The following LRRIQ3 variants were observed in gnomAD, a reference collection of about 807,000 sequenced individuals.
The protein encoded by LRRIQ3 is leucine rich repeats and IQ motif containing 3.
A neutral mutation model predicts 59.3 loss-of-function variants in LRRIQ3; 75 were observed. The ratio of observed to expected loss-of-function variants is 1.26; its 90% confidence interval spans 1.05 to 1.53. The LOEUF (loss-of-function observed/expected upper bound fraction) is 1.53. Ranked by LOEUF, LRRIQ3 falls within the 40% of genes most tolerant of loss-of-function variation. The pLI is 0.00. For missense variants in LRRIQ3, 831 were observed against 710.0 expected (o/e 1.17, Z -1.94); for synonymous variants, 250 against 231.3 (o/e 1.08, Z -0.73).
At chr1:74,171,239 TAA>T (rs771519400) in intron 3 of LRRIQ3, among the ~76,000 whole-genome samples, 1 of 152,164 alleles carries the variant, frequency 6.6e-6, no homozygotes, top group Non-Finnish European at 1.5e-5. Context: ...AAAAAAAACT[TAA>T]AAGTTTTTCA....
chr1:74,177,773 T>A (rs912972225), intron 3 of LRRIQ3, among the ~76,000 whole-genome samples: 16 of 152,032 alleles, frequency 1.1e-4, no homozygotes, highest in Admixed American at 3.3e-4. Context: ...TAATTACTAC[T>A]ATATAATGTC....
intron 4 of LRRIQ3, among the ~76,000 whole-genome samples, chr1:74,137,362 T>C (rs1472070291): frequency 6.6e-6 from 1 of 152,078 alleles, no homozygotes; most frequent in African/African-American, 2.4e-5. Flanking sequence ...TCACTGGTCA[T>C]TAGAGAAATG....
At chr1:74,126,345 T>C (rs1407736474) in intron 4 of LRRIQ3, among the ~76,000 whole-genome samples, 1 of 151,828 alleles carries the variant, frequency 6.6e-6, no homozygotes, top group Non-Finnish European at 1.5e-5. Flanking sequence ...CTCATTTCAA[T>C]TTCATTTATT....
Position 74,026,393 on chromosome 1 carries a change from G to C in LRRIQ3, c.*420C>G, listed in dbSNP as rs1438158279. 1 of 152,212 alleles carries C rather than the reference G, an allele frequency of 6.6e-6. No homozygotes were observed. The highest frequency in any genetic ancestry group is 1.5e-5 in the Non-Finnish European group (1 of 68,134). The allele number at this position is 152,212 out of a possible 1,614,324, so 9.4% of individuals were successfully genotyped here. ...AATAAGCAGGAAATATATAAAAGCA[G>C]GTAATAAAAGTCATCAACGTACACA... On this transcript the variant is annotated 3_prime_UTR_variant, in exon 8 of 8. Coordinates refer to ENST00000354431, the MANE Select transcript of LRRIQ3 (RefSeq NM_001105659.2).
intron 7 of LRRIQ3, among the ~76,000 whole-genome samples, chr1:74,030,176 T>C (rs959762228): frequency 1.3e-5 from 2 of 151,998 alleles, no homozygotes; most frequent in African/African-American, 4.8e-5. Flanking sequence ...ATCAATATCA[T>C]GAAAATGGTC....
At chr1:74,037,945 C>T (rs1322069493) in intron 7 of LRRIQ3, among the ~76,000 whole-genome samples, 1 of 152,216 alleles carries the variant, frequency 6.6e-6, no homozygotes, top group Non-Finnish European at 1.5e-5. Flanking sequence ...CTTAAGACTC[C>T]CAGGGGAGGG....
intron 5 of LRRIQ3, among the ~76,000 whole-genome samples, chr1:74,099,295 A>G (rs1350203722): frequency 2.0e-5 from 3 of 152,200 alleles, no homozygotes; most frequent in Non-Finnish European, 4.4e-5. Context: ...CAAATAAACT[A>G]GAAAATCTAG....
At chr1:74,094,155 G>T (rs1192621466) in intron 5 of LRRIQ3, among the ~76,000 whole-genome samples, 1 of 151,892 alleles carries the variant, frequency 6.6e-6, no homozygotes, top group Non-Finnish European at 1.5e-5. Context: ...ATCAGGTCAG[G>T]ACCCCATCCT....
chr1:74,101,132 C>T (rs1292171306), intron 5 of LRRIQ3, among the ~76,000 whole-genome samples: 1 of 151,852 alleles, frequency 6.6e-6, no homozygotes, highest in Non-Finnish European at 1.5e-5. Flanking sequence ...ATCTACAGAA[C>T]AGGAGAACAT....
In LRRIQ3 at chr1:74,155,722, A is replaced by G; in HGVS notation, c.707+11T>C. 1 of 1,563,782 alleles carries G rather than the reference A, an allele frequency of 6.4e-7. No homozygotes were observed. Among genetic ancestry groups the G allele is most frequent in the Non-Finnish European group, 8.6e-7 (1 of 1,162,980 alleles). On this transcript the variant is annotated intron_variant, in intron 4 of 7. Coordinates refer to ENST00000354431, the MANE Select transcript of LRRIQ3 (RefSeq NM_001105659.2). ...TTTCAATATTCAAATGGTAAAGAAAACAAAACATACCTCAAATTTTTTCTA... is the reference window on the plus strand; with the variant it reads ...TTTCAATATTCAAATGGTAAAGAAAGCAAAACATACCTCAAATTTTTTCTA...
chr1:74,167,636 TA>T (rs1373569579), intron 3 of LRRIQ3, among the ~76,000 whole-genome samples: 1 of 151,710 alleles, frequency 6.6e-6, no homozygotes, highest in Non-Finnish European at 1.5e-5. Context: ...GGGTGAGAGA[TA>T]AAAGACTGCA....
chr1:74,157,114 C>T (rs977116243), intron 3 of LRRIQ3, among the ~76,000 whole-genome samples: 1 of 152,048 alleles, frequency 6.6e-6, no homozygotes, highest in Admixed American at 6.6e-5. Context: ...TTGGCTCTGT[C>T]TTTATTCTAT....
chr1:74,065,981 G>A (rs981020090), intron 6 of LRRIQ3, among the ~76,000 whole-genome samples: 1 of 152,024 alleles, frequency 6.6e-6, no homozygotes, highest in Non-Finnish European at 1.5e-5. Context: ...GAGGTGAGGA[G>A]TTTGAGACCA....
rs574714212 is a variant in LRRIQ3, at chr1:74,117,534, G to A, written c.708-7981C>T. 1.7e-4 allele frequency among the ~76,000 whole-genome samples: 26 copies of A among 152,276 alleles called. 1 individual carries two copies. The highest frequency in any genetic ancestry group is 6.8e-3 in the Middle Eastern group (2 of 294). On this transcript the variant is annotated intron_variant, in intron 4 of 7. Transcript: ENST00000354431. ...TAATCCCAGAACTTTCGGAGGCCGAGGTGGGCAAATCACTTGAGGTCAGGA... is the reference window on the plus strand; with the variant it reads ...TAATCCCAGAACTTTCGGAGGCCGAAGTGGGCAAATCACTTGAGGTCAGGA...
intron 4 of LRRIQ3, among the ~76,000 whole-genome samples, chr1:74,121,250 A>C (rs756662150): frequency 1.3e-5 from 2 of 152,118 alleles, no homozygotes; most frequent in Non-Finnish European, 2.9e-5. Flanking sequence ...GATGGTTTGT[A>C]TTTGCTAGAT....
At chr1:74,070,518 A>C (rs1306503002) in intron 6 of LRRIQ3, among the ~76,000 whole-genome samples, 1 of 151,946 alleles carries the variant, frequency 6.6e-6, no homozygotes, top group Non-Finnish European at 1.5e-5. Flanking sequence ...AAAAATATGT[A>C]TTGGGCACTA....
chr1:74,135,194 G>A (rs913325281), intron 4 of LRRIQ3, among the ~76,000 whole-genome samples: 2 of 151,660 alleles, frequency 1.3e-5, no homozygotes, highest in Non-Finnish European at 2.9e-5. Flanking sequence ...CACTTCATCA[G>A]GTACACACAA....
intron 5 of LRRIQ3, among the ~76,000 whole-genome samples, chr1:74,095,818 A>G (rs1239617637): frequency 6.6e-6 from 1 of 152,098 alleles, no homozygotes; most frequent in Non-Finnish European, 1.5e-5. Flanking sequence ...ACAATCATAT[A>G]GTTATATTTA....
At chr1:74,033,109 A>G (rs977449960) in intron 7 of LRRIQ3, among the ~76,000 whole-genome samples, 5 of 152,026 alleles carry the variant, frequency 3.3e-5, no homozygotes, top group African/African-American at 7.2e-5. Context: ...TGGCTCTTGT[A>G]GGTAACAGGA....
Sources: gnomAD v4.1 joint callset for allele counts (sites outside exome capture counted in the v4.1 genomes callset) on GRCh38, gnomAD v4.1.1 for gene constraint, MANE v1.5 for transcripts, NCBI Gene and HGNC (gene_info 2026-07-23, HGNC 2026-07-21) for gene names.